The following ZNF541 variants were observed in gnomAD, a reference collection of about 807,000 sequenced individuals.
ZNF541 encodes zinc finger protein 541.
In ZNF541, 23 loss-of-function variants were observed where a neutral mutation model predicts 123.5. The observed-to-expected ratio is 0.19, with a 90% CI of 0.13 to 0.26. The LOEUF is 0.26. Ranked by LOEUF, ZNF541 falls within the 10% of genes least tolerant of loss-of-function variation. ZNF541 has a pLI of 1.00. For missense variants in ZNF541, 1,612 were observed against 1,789.9 expected, an observed-to-expected ratio of 0.90 and a Z score of 1.79; for synonymous variants, 751 against 754.5, an observed-to-expected ratio of 1.00 and a Z score of 0.08.
In ZNF541 at chr19:47,521,304, T is replaced by C. The variant is rs1216960679; in HGVS notation, c.3961A>G (p.Ile1321Val). ...GGCTTCACTGGCCACTTCACCCTGA[T>C]GATGGGCTCCACGTGGTCCTGAAGG... ...HRLQDHVEPI[I>V]RVKWPVKPFQ... Residue 1321 changes from isoleucine (I) to valine (V), a missense_variant, in exon 17 of 17, where the codon ATC (isoleucine) becomes GTC (valine). By Grantham distance (29) the Ile-to-Val change is conservative. Around this residue, in one of 5 missense-constraint regions of ZNF541, gnomAD observed 30 missense variants for 48.9 expected, o/e 0.61. Transcript: ENST00000391901. The surrounding 1 kb of genome is among the most constrained non-coding windows in gnomAD (Gnocchi z 4.2). 3 of 1,551,762 alleles carry C rather than the reference T, an allele frequency of 1.9e-6. No homozygotes were observed. The African/African-American group carries it at 4.1e-5, about 21-fold the overall frequency.
intron 4 of ZNF541, among the ~76,000 whole-genome samples, chr19:47,546,673 A>G (rs1026341209): frequency 1.3e-5 from 2 of 152,242 alleles, no homozygotes; most frequent in East Asian, 3.9e-4. Context: ...TTTTGAAAAA[A>G]CACCATTCAC....
rs905907730 is a variant in ZNF541 at position 47,545,542 on chromosome 19, C to T, written c.987G>A (p.Ala329=). The T allele has an allele frequency of 1.3e-6, 2 of 1,532,274 alleles. No homozygotes were observed. Among genetic ancestry groups the T allele is most frequent in the Non-Finnish European group, 8.8e-7 (1 of 1,136,062 alleles). 94.9% of individuals were successfully genotyped at this position (1,532,274 alleles called of 1,614,324 possible). A position where few individuals can be genotyped will look rare whatever the true frequency, so the allele number is the denominator to read the frequency against. ...TPAGPHAAPA[A]LDTELPEEPC... is the part of the protein sequence containing the mutation. ...GCTCCTCGGGAAGCTCGGTGTCCAG[C>T]GCTGCTGGGGCCGCGTGGGGGCCGG... Residue 329 remains alanine, a synonymous_variant, in exon 5 of 17, where the codon GCG becomes GCA. Coordinates refer to ENST00000391901, the MANE Select transcript of ZNF541 (RefSeq NM_001277075.3). The surrounding 1 kb of genome is among the most constrained non-coding windows in gnomAD (Gnocchi z 7.5).
rs1043466934 is a variant in ZNF541 at position 47,545,183 on chromosome 19, G to A, written c.1346C>T (p.Pro449Leu). ...CGAGGGGCTTCCGCTGCTGGGTCCC[G>A]GGCCAGACTCGGAGCCCTCCCGCGA... ...VPSREGSESG[P>L]GPSSGSPSEE... Residue 449 changes from proline to leucine, a missense_variant, in exon 5 of 17, where the codon CCG (proline) becomes CTG (leucine). Around this residue, in one of 5 missense-constraint regions of ZNF541, gnomAD observed 1,080 missense variants for 1,013.8 expected, o/e 1.07. Transcript: ENST00000391901. The surrounding 1 kb of genome is among the most constrained non-coding windows in gnomAD (Gnocchi z 7.5). The A allele has an allele frequency of 2.0e-6, 3 of 1,511,172 alleles. No homozygotes were observed. The highest frequency in any genetic ancestry group is 2.1e-5 in the Admixed American group (1 of 47,262). The allele number at this position is 1,511,172 out of a possible 1,614,324, so 93.6% of individuals were successfully genotyped here.
intron 4 of ZNF541, among the ~76,000 whole-genome samples, chr19:47,548,365 C>G (rs1331183545): frequency 2.7e-5 from 4 of 148,622 alleles, no homozygotes; most frequent in Non-Finnish European, 5.9e-5. Context: ...ATCGCTTGAA[C>G]CTGGGAGGTG....
intron 14 of ZNF541, among the ~76,000 whole-genome samples, chr19:47,526,353 G>T (rs2122886754): frequency 6.6e-6 from 1 of 151,890 alleles, no homozygotes; most frequent in East Asian, 1.9e-4. Flanking sequence ...GTGGTAGCAG[G>T]CGCCTGTAAT....
intron 5 of ZNF541, among the ~76,000 whole-genome samples, chr19:47,541,507 T>C (rs1004794718): frequency 1.3e-5 from 2 of 152,166 alleles, no homozygotes; most frequent in Non-Finnish European, 2.9e-5. Context: ...GAAAGAATAT[T>C]TGCAAGTCAT....
At chr19:47,531,794 G>T in intron 11 of ZNF541, 49 bp from the exon 12 acceptor site, 1 of 1,472,684 alleles carries the variant, frequency 6.8e-7, no homozygotes, top group Non-Finnish European at 9.2e-7. Flanking sequence ...GGAGTCATCA[G>T]GTGCTAGGGA....
In ZNF541 at chr19:47,521,675, A is replaced by C; in HGVS notation, c.3712-21T>G. 1 of 1,550,636 alleles carries C rather than the reference A, an allele frequency of 6.4e-7. No homozygotes were observed. Among genetic ancestry groups the C allele is most frequent in the Non-Finnish European group, 8.7e-7 (1 of 1,146,408 alleles). ...GGGACCTGCAGAGGGAGCAAAAGTGACATAAGGGTGCTGACCTGTCCTGCT... is the reference window on the plus strand; with the variant it reads ...GGGACCTGCAGAGGGAGCAAAAGTGCCATAAGGGTGCTGACCTGTCCTGCT... On this transcript the variant is annotated intron_variant, in intron 15 of 16. Transcript: ENST00000391901. This position sits in a 1 kb window ranked among gnomAD's most constrained non-coding sequence, Gnocchi z 4.2.
In ZNF541 at chr19:47,545,154, C is replaced by A; in HGVS notation, c.1375G>T (p.Glu459Ter). 2 of 1,493,196 alleles carry A rather than the reference C, an allele frequency of 1.3e-6. No homozygotes were observed. Among genetic ancestry groups the A allele is most frequent in the Non-Finnish European group, 1.8e-6 (2 of 1,121,042 alleles). The allele number at this position is 1,493,196 out of a possible 1,614,324, so 92.5% of individuals were successfully genotyped here. The change falls in exon 5 of 17, where the codon GAG becomes TAG. Residue 459 changes from glutamate (E) to a stop codon, truncating the protein, a stop_gained. Transcript: ENST00000391901. LOFTEE classifies it high-confidence loss of function. This position sits in a 1 kb window ranked among gnomAD's most constrained non-coding sequence, Gnocchi z 7.5. ...PGPSSGSPSEESPPGPGGGLE... is the reference protein window; with the variant it reads ...PGPSSGSPSE Reference sequence around the variant, plus strand: ...CCACCGCCGGGGCCGGGCGGGGACTCCTCCGAGGGGCTTCCGCTGCTGGGT... The same window carrying A: ...CCACCGCCGGGGCCGGGCGGGGACTACTCCGAGGGGCTTCCGCTGCTGGGT...
At chr19:47,548,454 A>AG (rs1050069391) in intron 4 of ZNF541, among the ~76,000 whole-genome samples, 1 of 139,012 alleles carries the variant, frequency 7.2e-6, no homozygotes, top group African/African-American at 3.4e-5. Flanking sequence ...AAAAAAAAAA[A>AG]AAAAAAAGAA....
chr19:47,561,166 A>T (rs954526045), intron 2 of ZNF541, among the ~76,000 whole-genome samples: 2 of 152,196 alleles, frequency 1.3e-5, no homozygotes, highest in East Asian at 3.8e-4. Flanking sequence ...AACCCACAGA[A>T]CTATACAACA....
At chr19:47,553,772 T>G (rs537671608) in intron 3 of ZNF541, among the ~76,000 whole-genome samples, 2 of 152,190 alleles carry the variant, frequency 1.3e-5, no homozygotes, top group African/African-American at 4.8e-5. Context: ...ACTCCTTATC[T>G]CAAGCGATCC....
rs1423060765 is a variant in ZNF541, at chr19:47,545,972, T to G, written c.557A>C (p.His186Pro). Residue 186 changes from histidine (H) to proline (P), a missense_variant, in exon 5 of 17, where the codon CAC becomes CCC. Transcript: ENST00000391901. The surrounding 1 kb of genome is among the most constrained non-coding windows in gnomAD (Gnocchi z 7.5). The stretch of plus-strand genomic sequence containing the variant: ...CTTTGTCTTCTGGTGGGTGAGCATG[T>G]GCCCGGTCCTGGAGCCAGACACAAG... ...AFKRQDHLTG[H>P]MLTHQKTKPF... 9 of 1,472,532 alleles carry G rather than the reference T, an allele frequency of 6.1e-6. No individual in the cohort carries two copies. Among genetic ancestry groups the G allele is most frequent in the Non-Finnish European group, 8.2e-6 (9 of 1,103,602 alleles). The allele number at this position is 1,472,532 out of a possible 1,614,324, so 91.2% of individuals were successfully genotyped here. A position where few individuals can be genotyped will look rare whatever the true frequency, so the allele number is the denominator to read the frequency against.
At chr19:47,558,188 G>T (rs1945112133) in intron 2 of ZNF541, among the ~76,000 whole-genome samples, 1 of 152,150 alleles carries the variant, frequency 6.6e-6, no homozygotes, top group Admixed American at 6.5e-5. Context: ...AGACCGAGGT[G>T]GGCGGATCAT....
At chr19:47,570,274 C>CA (rs963573943) in intron 2 of ZNF541, among the ~76,000 whole-genome samples, 99 of 119,284 alleles carry the variant, frequency 8.3e-4, no homozygotes, top group Admixed American at 8.4e-4. Flanking sequence ...ACTCCATCTC[C>CA]AAAAAAAAAA....
intron 7 of ZNF541, 31 bp downstream of exon 7, chr19:47,540,145 A>G (rs764597391): frequency 3.9e-6 from 6 of 1,537,584 alleles, no homozygotes; most frequent in South Asian, 3.6e-5. Context: ...GAAACCCAGT[A>G]ACCACCAAGC....
At chr19:47,532,092 G>A (rs1350813550) in intron 11 of ZNF541, 36 bp downstream of exon 11, 2 of 1,546,300 alleles carry the variant, frequency 1.3e-6, no homozygotes, top group African/African-American at 1.4e-5. Context: ...GGGGGAAGAA[G>A]GGCCCTTAGG....
At chr19:47,551,250 G>T in intron 3 of ZNF541, among the ~76,000 whole-genome samples, 1 of 152,002 alleles carries the variant, frequency 6.6e-6, no homozygotes, top group Non-Finnish European at 1.5e-5. Context: ...ATGTTGGCCA[G>T]GCTGGTCTCG....
chr19:47,531,553 G>T (rs561060959), intron 12 of ZNF541, 89 bp downstream of exon 12: 3 of 1,047,934 alleles, frequency 2.9e-6, no homozygotes, highest in Non-Finnish European at 2.7e-6. Context: ...GCTTCCATCC[G>T]CTCTGAACCC....
Sources: gnomAD v4.1 joint callset for allele counts (sites outside exome capture counted in the v4.1 genomes callset) on GRCh38, gnomAD v4.1.1 for gene constraint, gnomAD v4.1.1 regional missense constraint, Gnocchi (gnomAD v3.1) non-coding constraint, MANE v1.5 for transcripts, NCBI Gene and HGNC (gene_info 2026-07-23, HGNC 2026-07-21) for gene names.